The following DOCK3 variants were observed in gnomAD, a reference collection of about 807,000 sequenced individuals.
DOCK3 encodes dedicator of cytokinesis protein 3.
In DOCK3, 60 loss-of-function variants were observed where a neutral mutation model predicts 265.6. That is an observed-to-expected ratio of 0.23 (90% CI 0.18 to 0.28). DOCK3 has a LOEUF of 0.28. Among genes scored for constraint, DOCK3 ranks in the 10% least tolerant of loss-of-function variants. The pLI, the probability that DOCK3 is intolerant of heterozygous loss-of-function variation, is 1.00. For missense variants in DOCK3, 1,981 were observed against 2,594.3 expected (o/e 0.76, Z 5.14); for synonymous variants, 881 against 938.0 (o/e 0.94, Z 1.11).
intron 19 of DOCK3, among the ~76,000 whole-genome samples, chr3:51,230,991 G>T (rs1053512937): frequency 6.6e-6 from 1 of 151,734 alleles, no homozygotes; most frequent in Non-Finnish European, 1.5e-5. Context: ...TGGGTCAAAT[G>T]TTAGTTCTAA....
chr3:50,984,893 A>G (rs901761405), intron 5 of DOCK3, among the ~76,000 whole-genome samples: 1 of 152,204 alleles, frequency 6.6e-6, no homozygotes, highest in African/African-American at 2.4e-5. Flanking sequence ...AGTAACCTAG[A>G]GATGATTGGA....
At chr3:51,190,362 C>G (rs537498980) in intron 12 of DOCK3, among the ~76,000 whole-genome samples, 5 of 152,158 alleles carry the variant, frequency 3.3e-5, no homozygotes, top group Admixed American at 6.5e-5. Context: ...GCTATCAGCA[C>G]CAGCTCTGAT....
In DOCK3 at chr3:51,214,260, G is replaced by A; in HGVS notation, c.1252+13G>A. ...GTCATTATGCCAGGTATGCAGAACT[G>A]CTTGGGGCTGGGAAGGAAGATGGGT... On this transcript the variant is annotated intron_variant, in intron 14 of 52. Transcript: ENST00000266037. 6.2e-7 allele frequency: 1 copy of A among 1,612,944 alleles called. No individual in the cohort carries two copies. The highest frequency in any genetic ancestry group is 8.5e-7 in the Non-Finnish European group (1 of 1,179,392).
chr3:50,776,990 G>A (rs1053506869), intron 1 of DOCK3, among the ~76,000 whole-genome samples: 2 of 152,180 alleles, frequency 1.3e-5, no homozygotes, highest in African/African-American at 4.8e-5. Context: ...GCAGACAAGA[G>A]AAGAGAGAAT....
At chr3:51,256,125 C>G (rs1028483614) in intron 22 of DOCK3, among the ~76,000 whole-genome samples, 1 of 152,200 alleles carries the variant, frequency 6.6e-6, no homozygotes, top group Non-Finnish European at 1.5e-5. Context: ...TTGGAGTTTG[C>G]CGGAGGTCCA....
In DOCK3 at chr3:51,357,052, C is replaced by G; in HGVS notation, c.4594C>G (p.Gln1532Glu). 1 of 1,613,364 alleles carries G rather than the reference C, an allele frequency of 6.2e-7. No homozygotes were observed. The highest frequency in any genetic ancestry group is 2.2e-5 in the East Asian group (1 of 44,878). The change falls in exon 44 of 53, where the codon CAG becomes GAG. Residue 1532 changes from glutamine (Q) to glutamate (E), a missense_variant. Physicochemically the swap from Gln to Glu is conservative, Grantham distance 29 (BLOSUM62 2). Transcript: ENST00000266037. The stretch of plus-strand genomic sequence containing the variant: ...CCTGATCAGCCAGTATCAACACAAG[C>G]AGGTGCATGGCAACATTAACCTGCT... Reference protein sequence around the residue: ...RSLISQYQHKQVHGNINLLSM... With the variant: ...RSLISQYQHKEVHGNINLLSM...
At chr3:50,975,243 T>C (rs1451839637) in intron 5 of DOCK3, among the ~76,000 whole-genome samples, 3 of 150,282 alleles carry the variant, frequency 2.0e-5, no homozygotes, top group African/African-American at 4.9e-5. Context: ...ATGCTTCCAG[T>C]TTTTGCCCAT....
intron 3 of DOCK3, among the ~76,000 whole-genome samples, chr3:50,867,585 A>T (rs935845867): frequency 6.9e-6 from 1 of 144,924 alleles, no homozygotes; most frequent in Non-Finnish European, 1.5e-5. Context: ...TATTATGTTG[A>T]GGTGTGTTCC....
chr3:50,718,070 G>A lies in DOCK3; in HGVS notation c.37+42770G>A, dbSNP rs533157966. 2.2e-4 allele frequency among the ~76,000 whole-genome samples: 33 copies of A among 152,172 alleles called. 1 individual carries two copies. The highest frequency in any genetic ancestry group is 7.0e-4 in the African/African-American group (29 of 41,528). ...TCCAGTGGTTACAGATGAGGCCATCGGTACCTTTAATCTGCCTCTCACCTT... is the reference window on the plus strand; with the variant it reads ...TCCAGTGGTTACAGATGAGGCCATCAGTACCTTTAATCTGCCTCTCACCTT... On this transcript the variant is annotated intron_variant, in intron 1 of 52. Transcript: ENST00000266037.
intron 2 of DOCK3, among the ~76,000 whole-genome samples, chr3:50,793,680 A>G (rs1297185090): frequency 6.6e-6 from 1 of 151,996 alleles, no homozygotes; most frequent in Non-Finnish European, 1.5e-5. Flanking sequence ...TTTCTTTTCA[A>G]AAATTCAACC....
chr3:51,218,033 G>A (rs1485306265), intron 14 of DOCK3, among the ~76,000 whole-genome samples: 1 of 152,050 alleles, frequency 6.6e-6, no homozygotes, highest in Non-Finnish European at 1.5e-5. Context: ...CAGGAGAATC[G>A]CTTGAACCTG....
At chr3:50,857,367 T>A (rs2046652357) in intron 3 of DOCK3, among the ~76,000 whole-genome samples, 1 of 152,164 alleles carries the variant, frequency 6.6e-6, no homozygotes, top group South Asian at 2.1e-4. Flanking sequence ...ATTGGTCTGT[T>A]CAGGACTCCA....
At chr3:51,311,957 C>A in intron 28 of DOCK3, 47 bp from the exon 29 acceptor site, 2 of 1,442,628 alleles carry the variant, frequency 1.4e-6, no homozygotes, top group East Asian at 2.4e-5. Flanking sequence ...CATCAGATGC[C>A]ATTGTTAGTC....
In DOCK3 at chr3:51,190,103, C is replaced by T. The variant is rs117547930; in HGVS notation, c.1038-18671C>T. 3.9e-4 allele frequency among the ~76,000 whole-genome samples: 60 copies of T among 152,300 alleles called. 1 individual carries two copies. The highest frequency in any genetic ancestry group is 3.9e-3 in the East Asian group (20 of 5,178). On this transcript the variant is annotated intron_variant, in intron 12 of 52. Coordinates refer to ENST00000266037, the MANE Select transcript of DOCK3 (RefSeq NM_004947.5). ...TCAACTATGCCTCTGCTGAAGGAAACTTCCCACCATTGGAAAGATCTGAGA... is the reference window on the plus strand; with the variant it reads ...TCAACTATGCCTCTGCTGAAGGAAATTTCCCACCATTGGAAAGATCTGAGA...
intron 1 of DOCK3, among the ~76,000 whole-genome samples, chr3:50,761,043 G>A (rs1201264243): frequency 4.0e-5 from 6 of 151,826 alleles, no homozygotes; most frequent in Non-Finnish European, 8.8e-5. Flanking sequence ...GCTTCCCAAA[G>A]TGCTGGGATT....
intron 2 of DOCK3, among the ~76,000 whole-genome samples, chr3:50,780,059 G>C (rs915782476): frequency 2.6e-5 from 4 of 152,108 alleles, no homozygotes; most frequent in African/African-American, 9.7e-5. Flanking sequence ...CATGATCCAG[G>C]AATCATATAT....
rs561865208 is a variant in DOCK3 at position 50,799,456 on chromosome 3, A to AT, written c.121+20707dup. Among the ~76,000 whole-genome samples the AT allele has an allele frequency of 6.2e-3, 929 of 150,522 alleles. 4 individuals are homozygous for AT. The highest frequency in any genetic ancestry group is 0.021 in the African/African-American group (854 of 41,030). ...TCCTTGGTTAGATTTATTCTTAGGTATTTTTTTTTGTAGCAATTGTAAATA... is the reference window on the plus strand; with the variant it reads ...TCCTTGGTTAGATTTATTCTTAGGTATTTTTTTTTTGTAGCAATTGTAAATA... On this transcript the variant is annotated intron_variant, in intron 2 of 52. Coordinates refer to ENST00000266037, the MANE Select transcript of DOCK3 (RefSeq NM_004947.5).
chr3:51,350,458 T>TCTTTTCTTCC, intron 40 of DOCK3, 66 bp downstream of exon 40: 1 of 1,537,714 alleles, frequency 6.5e-7, no homozygotes, highest in East Asian at 2.3e-5. Context: ...AAACCGATAT[T>TCTTTTCTTCC]CTTTTCTTCC....
At chr3:50,906,452 G>A (rs539511447) in intron 4 of DOCK3, among the ~76,000 whole-genome samples, 10 of 152,124 alleles carry the variant, frequency 6.6e-5, no homozygotes, top group East Asian at 3.9e-4. Flanking sequence ...CCTGTTATTC[G>A]TCTATTCAGG....
Sources: allele counts gnomAD v4.1 joint callset (sites outside exome capture counted in the v4.1 genomes callset), GRCh38; gene constraint gnomAD v4.1.1; transcripts MANE v1.5; gene names NCBI Gene and HGNC (gene_info 2026-07-23, HGNC 2026-07-21).